The following XRCC4 variants were observed in gnomAD, a reference collection of about 807,000 sequenced individuals.
XRCC4 encodes DNA repair protein XRCC4.
A neutral mutation model predicts 39.1 loss-of-function variants in XRCC4; 28 were observed. The ratio of observed to expected loss-of-function variants is 0.72; its 90% CI spans 0.53 to 0.98. XRCC4 has a LOEUF of 0.98. Ranked by LOEUF, XRCC4 falls within the 50% of genes least tolerant of loss-of-function variation. The pLI is 0.00. For missense variants in XRCC4, 350 were observed against 376.4 expected (o/e 0.93, Z 0.58); for synonymous variants, 123 against 126.4 (o/e 0.97, Z 0.18).
chr5:83,131,600 T>C (rs1248200739), intron 3 of XRCC4, among the ~76,000 whole-genome samples: 1 of 152,196 alleles, frequency 6.6e-6, no homozygotes, highest in East Asian at 1.9e-4. Flanking sequence ...AGTTAGCTCT[T>C]CTTGTTGAAT....
the XRCC4 span, among the ~76,000 whole-genome samples, chr5:83,373,562 AC>A: frequency 6.6e-6 from 1 of 152,210 alleles, no homozygotes; most frequent in Non-Finnish European, 1.5e-5. Context: ...AAAAGATGGC[AC>A]ACTGACCCAG....
intron 6 of XRCC4, among the ~76,000 whole-genome samples, chr5:83,212,926 AAAAAAAAAAAAAAAACACCAAAAT>A: frequency 7.5e-6 from 1 of 133,078 alleles, no homozygotes; most frequent in East Asian, 2.2e-4. Flanking sequence ...GATTCCATCT[AAAAAAAAAAAAAAAACACCAAAAT>A]AAAAAAAAAA....
At chr5:83,170,864 G>A (rs946645905) in intron 3 of XRCC4, among the ~76,000 whole-genome samples, 3 of 152,108 alleles carry the variant, frequency 2.0e-5, no homozygotes, top group Admixed American at 6.6e-5. Flanking sequence ...ACCAGCGGGC[G>A]GGAATCTTGA....
At chr5:83,212,093 C>G (rs1405561938) in intron 6 of XRCC4, among the ~76,000 whole-genome samples, 2 of 151,652 alleles carry the variant, frequency 1.3e-5, no homozygotes, top group Non-Finnish European at 2.9e-5. Context: ...CACATACACA[C>G]ATATGTATGT....
At chr5:83,104,353 G>A (rs1374985396) in intron 1 of XRCC4, among the ~76,000 whole-genome samples, 3 of 152,132 alleles carry the variant, frequency 2.0e-5, no homozygotes, top group Non-Finnish European at 4.4e-5. Flanking sequence ...TAATATTTCA[G>A]TAGTGAGATC....
chr5:83,335,285 G>A (rs10078343), intron 7 of XRCC4, among the ~76,000 whole-genome samples: 4,427 of 151,590 alleles, frequency 0.029, 222 homozygotes, highest in African/African-American at 0.1. Context: ...CTCAATTTTC[G>A]TTAAGATAAA....
At chr5:83,207,116 T>G (rs1224834967) in intron 6 of XRCC4, among the ~76,000 whole-genome samples, 2 of 152,144 alleles carry the variant, frequency 1.3e-5, no homozygotes, top group Admixed American at 1.3e-4. Context: ...GAGAAAAACT[T>G]ACAAAGATAA....
chr5:83,298,275 TG>T (rs958729898), intron 7 of XRCC4, among the ~76,000 whole-genome samples: 1 of 151,770 alleles, frequency 6.6e-6, no homozygotes, highest in Non-Finnish European at 1.5e-5. Flanking sequence ...TATATATATA[TG>T]TATTTTTTTC....
chr5:83,354,765 G>A (rs952400985), downstream of XRCC4, among the ~76,000 whole-genome samples: 5 of 151,982 alleles, frequency 3.3e-5, no homozygotes, highest in African/African-American at 1.2e-4. Flanking sequence ...ATCTTCCTTG[G>A]TGTCTTTGCT....
At chr5:83,238,410 A>G (rs1307489042) in intron 6 of XRCC4, among the ~76,000 whole-genome samples, 1 of 152,186 alleles carries the variant, frequency 6.6e-6, no homozygotes. Flanking sequence ...AGAAACAATA[A>G]GCCTTCACAC....
At chr5:83,309,755 CAAAAAAA>C (rs10597317) in intron 7 of XRCC4, among the ~76,000 whole-genome samples, 2 of 79,052 alleles carry the variant, frequency 2.5e-5, no homozygotes, top group Non-Finnish European at 4.6e-5. Flanking sequence ...AGACCCGTCT[CAAAAAAA>C]AAAAAAAAAA....
chr5:83,356,379 T>C (rs1757190308), downstream of XRCC4, among the ~76,000 whole-genome samples: 1 of 152,146 alleles, frequency 6.6e-6, no homozygotes, highest in Admixed American at 6.6e-5. Flanking sequence ...AATTTTCTTA[T>C]CTTTTGGCTA....
At chr5:83,367,655 A>T in the XRCC4 span, among the ~76,000 whole-genome samples, 1 of 152,162 alleles carries the variant, frequency 6.6e-6, no homozygotes, top group African/African-American at 2.4e-5. Flanking sequence ...TGTCACTTAA[A>T]TAAGTCCTTA....
At chr5:83,195,529 G>A (rs768769029) in intron 3 of XRCC4, among the ~76,000 whole-genome samples, 14 of 152,090 alleles carry the variant, frequency 9.2e-5, no homozygotes, top group Non-Finnish European at 1.9e-4. Flanking sequence ...GCTAGGAGAT[G>A]GAAGAGTGAC....
chr5:83,303,863 G>A (rs1272754899), intron 7 of XRCC4, among the ~76,000 whole-genome samples: 1 of 152,276 alleles, frequency 6.6e-6, no homozygotes, highest in South Asian at 2.1e-4. Context: ...GACAATATTT[G>A]TAGATGCATG....
chr5:83,195,247 T>A (rs1165503865), intron 3 of XRCC4, among the ~76,000 whole-genome samples: 2 of 152,170 alleles, frequency 1.3e-5, no homozygotes, highest in Admixed American at 6.5e-5. Context: ...ATTGGCAATT[T>A]ATGGTAATAA....
At chr5:83,221,810 A>G (rs1455582151) in intron 6 of XRCC4, among the ~76,000 whole-genome samples, 1 of 151,762 alleles carries the variant, frequency 6.6e-6, no homozygotes, top group Non-Finnish European at 1.5e-5. Flanking sequence ...ACATTAAAAT[A>G]ATAGATTTAG....
chr5:83,335,754 C>T (rs1367207126), intron 7 of XRCC4, among the ~76,000 whole-genome samples: 1 of 151,946 alleles, frequency 6.6e-6, no homozygotes, highest in Non-Finnish European at 1.5e-5. Context: ...TTTATAATTG[C>T]TACCTCTAAT....
chr5:83,102,919 T>C (rs1296617462), intron 1 of XRCC4, among the ~76,000 whole-genome samples: 2 of 151,104 alleles, frequency 1.3e-5, no homozygotes, highest in Non-Finnish European at 2.9e-5. Context: ...GTGTGTGATC[T>C]TGGGTATTAA....
Sources: gnomAD v4.1 joint callset for allele counts (sites outside exome capture counted in the v4.1 genomes callset) on GRCh38, gnomAD v4.1.1 for gene constraint, MANE v1.5 for transcripts, NCBI Gene and HGNC (gene_info 2026-07-23, HGNC 2026-07-21) for gene names.